Variants in MAP2 observed in about 807,000 individuals in gnomAD.
The protein encoded by MAP2 is microtubule associated protein 2, also known as microtubule-associated protein 2.
MAP2 carries 14 observed loss-of-function variants against 137.6 expected under a neutral mutation model. The observed-to-expected ratio is 0.10, with a 90% confidence interval of 0.07 to 0.16. MAP2 has a LOEUF of 0.16. MAP2 is among the 10% of genes least tolerant of loss of function. MAP2 has a pLI of 1.00. For synonymous variants in MAP2, 786 were observed against 782.3 expected, an observed-to-expected ratio of 1.00 and a Z score of -0.08; for missense variants, 2,088 against 2,191.5, an observed-to-expected ratio of 0.95 and a Z score of 0.94.
intron 13 of MAP2, among the ~76,000 whole-genome samples, chr2:209,721,526 G>T (rs1329172282): frequency 1.3e-5 from 2 of 152,124 alleles, no homozygotes; most frequent in African/African-American, 2.4e-5. Context: ...ACAGAAGTTA[G>T]CTTTTAAGTT....
At chr2:209,512,832 T>G (rs2150286680) in intron 2 of MAP2, among the ~76,000 whole-genome samples, 1 of 152,196 alleles carries the variant, frequency 6.6e-6, no homozygotes, top group East Asian at 1.9e-4. Flanking sequence ...ATGCCTTTTA[T>G]ACAGACAGGG....
intron 2 of MAP2, among the ~76,000 whole-genome samples, chr2:209,574,124 G>A (rs1292150727): frequency 1.3e-5 from 2 of 151,896 alleles, no homozygotes; most frequent in South Asian, 4.2e-4. Flanking sequence ...TGATTCTCAT[G>A]GTACATTCGA....
At chr2:209,680,682 T>G in intron 6 of MAP2, 68 bp from the exon 7 acceptor site, 1 of 1,354,686 alleles carries the variant, frequency 7.4e-7, no homozygotes, top group Non-Finnish European at 1.1e-6. Context: ...ATGGCAGAAC[T>G]TCCTACACAT....
intron 11 of MAP2, among the ~76,000 whole-genome samples, chr2:209,701,403 C>G (rs2061717855): frequency 6.6e-6 from 1 of 151,094 alleles, no homozygotes; most frequent in Non-Finnish European, 1.5e-5. Flanking sequence ...ATGACCAAAG[C>G]CAACATGAAG....
intron 5 of MAP2, among the ~76,000 whole-genome samples, chr2:209,663,052 G>A (rs999780886): frequency 1.3e-5 from 2 of 151,974 alleles, no homozygotes; most frequent in South Asian, 2.1e-4. Flanking sequence ...GCTGCCTTGC[G>A]GTTTAGAATT....
chr2:209,540,363 G>A (rs1428635148), intron 2 of MAP2, among the ~76,000 whole-genome samples: 2 of 151,414 alleles, frequency 1.3e-5, no homozygotes, highest in African/African-American at 2.4e-5. Flanking sequence ...GCCGGGCGCG[G>A]TCGCTCACAC....
At chr2:209,433,033 C>T (rs1240091242) in intron 1 of MAP2, among the ~76,000 whole-genome samples, 1 of 151,954 alleles carries the variant, frequency 6.6e-6, no homozygotes, top group African/African-American at 2.4e-5. Flanking sequence ...AGATCATAGC[C>T]CATGGTTCAT....
rs148723167 is a variant in MAP2 at position 209,653,184 on chromosome 2, G to A, written c.14G>A (p.Arg5Gln). 69 of 1,597,098 alleles carry A rather than the reference G, an allele frequency of 4.3e-5. No individual in the cohort carries two copies. In the African/African-American group the frequency reaches 4.7e-4, roughly 11 times the overall value. Residue 5 changes from arginine (R) to glutamine (Q), a missense_variant, in exon 5 of 16, where the codon CGG becomes CAG. Coordinates refer to ENST00000682079, the MANE Select transcript of MAP2 (RefSeq NM_001375505.1). MADE[R>Q]KDEAKAPHWT... ...AGGCATTGAAGAATGGCAGATGAAC[G>A]GAAAGATGAAGCAAAGGCACCTCAC...
At chr2:209,529,085 T>C (rs2064686921) in intron 2 of MAP2, among the ~76,000 whole-genome samples, 1 of 151,986 alleles carries the variant, frequency 6.6e-6, no homozygotes, top group African/African-American at 2.4e-5. Flanking sequence ...GTGCTATTTG[T>C]CTCTCAAATG....
intron 3 of MAP2, among the ~76,000 whole-genome samples, chr2:209,583,178 T>TATCTATCTATCTATCTATCTATC (rs1409068027): frequency 1.3e-5 from 2 of 151,864 alleles, no homozygotes; most frequent in African/African-American, 4.8e-5. Context: ...TCTATCTATC[T>TATCTATCTATCTATCTATCTATC]ATCTATCTGT....
intron 1 of MAP2, among the ~76,000 whole-genome samples, chr2:209,447,283 G>T (rs1699302883): frequency 6.6e-6 from 1 of 151,864 alleles, no homozygotes; most frequent in Non-Finnish European, 1.5e-5. Flanking sequence ...CTGCAGACTT[G>T]ATTTTAGGAA....
intron 1 of MAP2, among the ~76,000 whole-genome samples, chr2:209,496,281 C>G (rs1421814035): frequency 6.6e-6 from 1 of 152,170 alleles, no homozygotes. Flanking sequence ...GAGCAGCCCA[C>G]AGTCTGGGCA....
chr2:209,469,236 C>A (rs561657117), intron 1 of MAP2, among the ~76,000 whole-genome samples: 184 of 152,226 alleles, frequency 1.2e-3, no homozygotes, highest in South Asian at 0.012. Flanking sequence ...TAGTCTCAGG[C>A]CATAACTTGT....
chr2:209,612,900 AT>A, intron 3 of MAP2, among the ~76,000 whole-genome samples: 1 of 152,254 alleles, frequency 6.6e-6, no homozygotes, highest in Admixed American at 6.5e-5. Flanking sequence ...CAGTGGCATT[AT>A]GTTTTCTTAT....
rs76917080 is a variant in MAP2 at position 209,659,746 on chromosome 2, T to C, written c.262+6314T>C. Among the ~76,000 whole-genome samples the C allele has an allele frequency of 3.4e-5, 5 of 148,386 alleles. No homozygotes were observed. In the East Asian group the frequency reaches 1.0e-3, roughly 30 times the overall value. On this transcript the variant is annotated intron_variant, in intron 5 of 15. Transcript: ENST00000682079. ...GTGAACACTAGTAAAAAAAAAAAAA[T>C]GCTGATCACAGACCGGGCGTGGTGG...
chr2:209,515,649 G>A (rs2062385992), intron 2 of MAP2, among the ~76,000 whole-genome samples: 1 of 152,114 alleles, frequency 6.6e-6, no homozygotes, highest in Non-Finnish European at 1.5e-5. Context: ...GACATGTGGA[G>A]ATTAAAATTT....
At chr2:209,435,700 G>A (rs1228900172) in intron 1 of MAP2, among the ~76,000 whole-genome samples, 1 of 151,396 alleles carries the variant, frequency 6.6e-6, no homozygotes, top group Admixed American at 6.6e-5. Flanking sequence ...TACATATGGT[G>A]TAGCATAGAG....
At chr2:209,615,649 A>T (rs1429945045) in intron 3 of MAP2, among the ~76,000 whole-genome samples, 1 of 152,188 alleles carries the variant, frequency 6.6e-6, no homozygotes, top group Non-Finnish European at 1.5e-5. Flanking sequence ...GGCAGGAGGC[A>T]GCCAAATGCC....
intron 3 of MAP2, among the ~76,000 whole-genome samples, chr2:209,616,240 C>T (rs1436523045): frequency 6.6e-6 from 1 of 152,166 alleles, no homozygotes; most frequent in Non-Finnish European, 1.5e-5. Flanking sequence ...GCATCACTGG[C>T]CCGGGGTCCC....
Sources: allele counts gnomAD v4.1 joint callset (sites outside exome capture counted in the v4.1 genomes callset), GRCh38; gene constraint gnomAD v4.1.1; transcripts MANE v1.5; gene names NCBI Gene and HGNC (gene_info 2026-07-23, HGNC 2026-07-21).